BANP: variants seen among roughly 807,000 people sequenced by gnomAD.
BANP encodes BTG3 associated nuclear protein.
A neutral mutation model predicts 68.1 loss-of-function variants in BANP; 11 were observed. The ratio of observed to expected loss-of-function variants is 0.16; its 90% CI spans 0.10 to 0.27. The LOEUF (loss-of-function observed/expected upper bound fraction) is 0.27. BANP is among the 10% of genes least tolerant of loss of function. BANP has a pLI of 1.00. For missense variants in BANP, 504 were observed against 722.7 expected, an observed-to-expected ratio of 0.70 and a Z score of 3.47; for synonymous variants, 329 against 303.2, an observed-to-expected ratio of 1.09 and a Z score of -0.88.
intron 12 of BANP, among the ~76,000 whole-genome samples, chr16:88,069,688 C>T (rs554060289): frequency 8.5e-5 from 13 of 152,346 alleles, no homozygotes; most frequent in African/African-American, 3.1e-4. Flanking sequence ...CCAGGGCCAG[C>T]AGCCCCTTTG....
intron 7 of BANP, among the ~76,000 whole-genome samples, chr16:88,025,247 T>C (rs542649233): frequency 5.3e-5 from 8 of 152,302 alleles, no homozygotes; most frequent in African/African-American, 1.9e-4. Context: ...CCGGTAACTA[T>C]GGTGCAACCT....
chr16:88,005,836 G>A (rs1216455941), intron 5 of BANP, among the ~76,000 whole-genome samples: 1 of 152,238 alleles, frequency 6.6e-6, no homozygotes, highest in Non-Finnish European at 1.5e-5. Flanking sequence ...GTCCCAGTGA[G>A]TATGATTTTA....
At chr16:88,028,021 C>A (rs1433856417) in intron 8 of BANP, among the ~76,000 whole-genome samples, 2 of 152,204 alleles carry the variant, frequency 1.3e-5, no homozygotes, top group South Asian at 4.1e-4. Flanking sequence ...CTGAATTATG[C>A]TTTATTTTTG....
intron 12 of BANP, among the ~76,000 whole-genome samples, chr16:88,065,998 G>C (rs1567925701): frequency 2.0e-5 from 3 of 152,174 alleles, no homozygotes; most frequent in African/African-American, 7.2e-5. Context: ...GGGAGAGGGT[G>C]TGCACCTGCG....
intron 1 of BANP, among the ~76,000 whole-genome samples, chr16:87,968,298 A>G (rs1411230458): frequency 6.6e-6 from 1 of 151,612 alleles, no homozygotes; most frequent in Non-Finnish European, 1.5e-5. Context: ...AGCCTGACCC[A>G]ACATGGTGAA....
intron 7 of BANP, among the ~76,000 whole-genome samples, chr16:88,019,546 GTCC>G: frequency 2.2e-5 from 3 of 138,618 alleles, no homozygotes. Flanking sequence ...TGCCGGGGGC[GTCC>G]GGGATCTCAG....
intron 1 of BANP, among the ~76,000 whole-genome samples, chr16:87,964,570 G>T (rs1171347567): frequency 4.7e-5 from 7 of 149,970 alleles, no homozygotes; most frequent in Non-Finnish European, 1.0e-4. Flanking sequence ...AGCCCCAGGG[G>T]CTGCAGAGGG....
At chr16:88,031,288 A>C (rs1163015437) in intron 8 of BANP, among the ~76,000 whole-genome samples, 1 of 152,224 alleles carries the variant, frequency 6.6e-6, no homozygotes, top group Admixed American at 6.5e-5. Flanking sequence ...TTTGAATCTC[A>C]TGAATTTCAG....
At chr16:87,971,819 G>T (rs2145613292) in intron 1 of BANP, among the ~76,000 whole-genome samples, 1 of 152,108 alleles carries the variant, frequency 6.6e-6, no homozygotes, top group East Asian at 1.9e-4. Flanking sequence ...TCGAGACAGG[G>T]TCTCGTTCTG....
chr16:87,974,882 T>C (rs1431853177), intron 1 of BANP, among the ~76,000 whole-genome samples, 166 bp from the exon 2 acceptor site: 1 of 152,188 alleles, frequency 6.6e-6, no homozygotes, highest in Non-Finnish European at 1.5e-5. Flanking sequence ...TTGTTAATTT[T>C]CAAAGAAACT....
intron 6 of BANP, among the ~76,000 whole-genome samples, chr16:88,017,744 G>A (rs1219451102): frequency 6.6e-6 from 1 of 152,218 alleles, no homozygotes; most frequent in Admixed American, 6.5e-5. Context: ...TCTGGGCACC[G>A]TGTCTCCTCC....
chr16:88,076,302 G>A (rs974573436), intron 13 of BANP, among the ~76,000 whole-genome samples: 2 of 152,162 alleles, frequency 1.3e-5, no homozygotes, highest in African/African-American at 4.8e-5. Flanking sequence ...GGGTGGAGAG[G>A]CAGGAGCAGC....
rs561998134 is a variant in BANP, at chr16:87,957,796, C to T, written c.-69+6281C>T. ...CGCCTTCACCTTTCACCAGATGACG[C>T]GGGGGGAATTGGGCCACGGTCCCTG... On this transcript the variant is annotated intron_variant, in intron 1 of 13. Transcript: ENST00000682872. The surrounding 1 kb of genome is among the most constrained non-coding windows in gnomAD (Gnocchi z 4.3). Among the ~76,000 whole-genome samples the T allele has an allele frequency of 1.2e-4, 18 of 152,286 alleles. No individual in the cohort carries two copies. Among genetic ancestry groups the T allele is most frequent in the South Asian group, 4.1e-4 (2 of 4,822 alleles).
At chr16:87,985,407 C>G (rs1377666234) in intron 4 of BANP, among the ~76,000 whole-genome samples, 1 of 152,174 alleles carries the variant, frequency 6.6e-6, no homozygotes, top group Non-Finnish European at 1.5e-5. Context: ...GTGTCTCCCC[C>G]CAGCAGGAGT....
At chr16:87,975,697 G>A (rs982334778) in intron 2 of BANP, among the ~76,000 whole-genome samples, 1 of 150,322 alleles carries the variant, frequency 6.7e-6, no homozygotes, top group Non-Finnish European at 1.5e-5. Flanking sequence ...ACCATGTGGT[G>A]TGTGTAATCC....
upstream of BANP, among the ~76,000 whole-genome samples, chr16:87,951,090 C>G (rs1202536692): frequency 6.6e-6 from 1 of 152,220 alleles, no homozygotes; most frequent in Admixed American, 6.5e-5. Context: ...ATGCATGGCT[C>G]CCAGCTTGCG....
At chr16:88,011,876 C>T (rs2073227567) in intron 6 of BANP, among the ~76,000 whole-genome samples, 1 of 152,116 alleles carries the variant, frequency 6.6e-6, no homozygotes, top group African/African-American at 2.4e-5. Context: ...CATTAAGCAT[C>T]CACTAGTACC....
chr16:88,038,065 G>T (rs1335717830), intron 11 of BANP, 54 bp downstream of exon 11: 11 of 1,390,638 alleles, frequency 7.9e-6, no homozygotes, highest in Non-Finnish European at 1.1e-5. Context: ...GAGGGATGGG[G>T]TTCTCAGGGG....
upstream of BANP, among the ~76,000 whole-genome samples, chr16:87,949,948 G>A (rs754391848): frequency 1.3e-5 from 2 of 151,274 alleles, no homozygotes; most frequent in Non-Finnish European, 2.9e-5. Context: ...CGCCATCTCG[G>A]CTCACTGCAA....
Sources: gnomAD v4.1 joint callset for allele counts (sites outside exome capture counted in the v4.1 genomes callset) on GRCh38, gnomAD v4.1.1 for gene constraint, Gnocchi (gnomAD v3.1) non-coding constraint, MANE v1.5 for transcripts, NCBI Gene and HGNC (gene_info 2026-07-23, HGNC 2026-07-21) for gene names.